The following TPP2 variants were observed in gnomAD, a reference collection of about 807,000 sequenced individuals.
TPP2 encodes the protein tripeptidyl peptidase 2.
Under a neutral mutation model 155.9 loss-of-function variants are expected in TPP2, and 34 were observed. That is an observed-to-expected ratio of 0.22 (90% confidence interval 0.17 to 0.29). The LOEUF (loss-of-function observed/expected upper bound fraction) is 0.29, where lower values mean the gene tolerates loss of function less well. TPP2 is among the 10% of genes least tolerant of loss of function. TPP2 has a pLI of 1.00. For synonymous variants in TPP2, 510 were observed against 529.4 expected (o/e 0.96, Z 0.50); for missense variants, 1,028 against 1,522.3 (o/e 0.68, Z 5.40).
At chr13:102,622,757 T>C in intron 5 of TPP2, 120 bp from the exon 6 acceptor site, 2 of 1,131,540 alleles carry the variant, frequency 1.8e-6, no homozygotes, top group East Asian at 2.5e-5. Context: ...GCAGTCATTA[T>C]ATTTATATTT....
intron 16 of TPP2, among the ~76,000 whole-genome samples, chr13:102,641,682 T>G (rs1324447517): frequency 2.0e-5 from 3 of 152,172 alleles, no homozygotes; most frequent in Non-Finnish European, 4.4e-5. Context: ...TTTTCTTGTT[T>G]TTTGTAATTA....
intron 28 of TPP2, 124 bp from the exon 29 acceptor site, chr13:102,676,172 A>G (rs973988447): frequency 3.4e-6 from 3 of 875,260 alleles, no homozygotes; most frequent in African/African-American, 3.5e-5. Context: ...TTAAAAATGT[A>G]CTCTATGTAC....
intron 27 of TPP2, among the ~76,000 whole-genome samples, chr13:102,671,435 C>A (rs116894952): frequency 2.0e-3 from 309 of 152,256 alleles, no homozygotes; most frequent in Non-Finnish European, 3.9e-3. Flanking sequence ...GGTCACTGTT[C>A]TACCTAAATA....
At chr13:102,655,034 C>A in intron 24 of TPP2, 1 of 501,346 alleles carries the variant, frequency 2.0e-6, no homozygotes, top group Non-Finnish European at 4.0e-6. Flanking sequence ...CAGGTTCTGG[C>A]CCCCTGACCT....
chr13:102,597,245 G>C (rs1466419861), intron 1 of TPP2, 42 bp downstream of exon 1: 23 of 1,188,698 alleles, frequency 1.9e-5, no homozygotes, highest in Non-Finnish European at 2.5e-5. Context: ...GGCGCGGGCG[G>C]CCGGGGACGC....
Position 102,618,618 on chromosome 13 carries a change from A to G in TPP2, c.496-104A>G, listed in dbSNP as rs1016625620. ...AAATTTTCTTACATTTTTTCAGGGTAAAATAATTTTACTATGGATTAACAT... is the reference window on the plus strand; with the variant it reads ...AAATTTTCTTACATTTTTTCAGGGTGAAATAATTTTACTATGGATTAACAT... On this transcript the variant is annotated intron_variant, in intron 4 of 29. Transcript: ENST00000376052. 1.4e-5 allele frequency: 20 copies of G among 1,418,676 alleles called. No homozygotes were observed. The East Asian group carries it at 2.7e-4, about 19-fold the overall frequency. 87.9% of individuals were successfully genotyped at this position (1,418,676 alleles called of 1,614,324 possible).
intron 3 of TPP2, among the ~76,000 whole-genome samples, chr13:102,614,961 G>C (rs1490585232): frequency 2.0e-5 from 3 of 152,154 alleles, no homozygotes; most frequent in Non-Finnish European, 2.9e-5. Flanking sequence ...TAAGAATGCT[G>C]ATACAAGTAG....
intron 7 of TPP2, 98 bp from the exon 8 acceptor site, chr13:102,627,750 G>T: frequency 2.5e-6 from 2 of 815,592 alleles, no homozygotes; most frequent in Non-Finnish European, 3.9e-6. Flanking sequence ...GAATATGATT[G>T]GCTAAGAAAC....
chr13:102,602,593 C>G (rs941177882), intron 1 of TPP2, among the ~76,000 whole-genome samples: 2 of 152,166 alleles, frequency 1.3e-5, no homozygotes, highest in East Asian at 3.8e-4. Flanking sequence ...CCACCAACCA[C>G]CCATTTGCTT....
At chr13:102,664,979 T>TA in intron 27 of TPP2, 54 bp downstream of exon 27, 1 of 1,595,882 alleles carries the variant, frequency 6.3e-7, no homozygotes, top group Non-Finnish European at 8.5e-7. Flanking sequence ...TTAACTTGTT[T>TA]AAAAAGTAGG....
rs1334470330 is a variant in TPP2 at position 102,640,261 on chromosome 13, A to AT, written c.1914-9_1914-8insT. The AT allele has an allele frequency of 6.4e-7, 1 of 1,562,594 alleles. No individual in the cohort carries two copies. ...ATATATACATTTAATTACTTTTATTAATTTTCAGAGTAAATGAATCATCAC... is the reference window on the plus strand; with the variant it reads ...ATATATACATTTAATTACTTTTATTATATTTTCAGAGTAAATGAATCATCAC... On this transcript the variant is annotated splice_polypyrimidine_tract_variant and intron_variant, in intron 15 of 29. Transcript: ENST00000376052.
intron 5 of TPP2, among the ~76,000 whole-genome samples, chr13:102,620,584 CCTATT>C (rs1022203843): frequency 6.6e-6 from 1 of 152,104 alleles, no homozygotes; most frequent in Non-Finnish European, 1.5e-5. Flanking sequence ...GGTAAAGTGA[CCTATT>C]CTTTAAGTAC....
chr13:102,666,767 T>TTA (rs1884630749), intron 27 of TPP2, among the ~76,000 whole-genome samples: 1 of 9,558 alleles, frequency 1.0e-4, no homozygotes, highest in African/African-American at 8.3e-4. Flanking sequence ...TTTTAATCTC[T>TTA]TTTTTTTTTT....
intron 18 of TPP2, 114 bp from the exon 19 acceptor site, chr13:102,644,795 T>C: frequency 1.4e-6 from 2 of 1,412,572 alleles, no homozygotes; most frequent in Non-Finnish European, 2.0e-6. Flanking sequence ...AAGATAGCAG[T>C]AGGCTTTGTG....
At chr13:102,654,621 A>ACC (rs1233024259) in intron 24 of TPP2, among the ~76,000 whole-genome samples, 1 of 152,088 alleles carries the variant, frequency 6.6e-6, no homozygotes, top group Admixed American at 6.5e-5. Context: ...AGAGCAGCAT[A>ACC]CCTCTCTCCC....
At chr13:102,671,686 G>A (rs1280723165) in intron 27 of TPP2, among the ~76,000 whole-genome samples, 6 of 152,268 alleles carry the variant, frequency 3.9e-5, no homozygotes, top group African/African-American at 1.4e-4. Flanking sequence ...GCCTAAGACA[G>A]GGTCCCATAG....
intron 6 of TPP2, 68 bp downstream of exon 6, chr13:102,623,108 C>T: frequency 6.7e-7 from 1 of 1,482,548 alleles, no homozygotes; most frequent in Non-Finnish European, 9.1e-7. Context: ...GTTGCGATAG[C>T]TCACAGCAAC....
chr13:102,607,536 C>G (rs74969280), intron 2 of TPP2: 2,798 of 232,656 alleles, frequency 0.012, 186 homozygotes, highest in Admixed American at 0.1. Flanking sequence ...GAGAGAATTC[C>G]TAGTAAGTCT....
In TPP2 at chr13:102,623,117, A is replaced by G. The variant is rs1023342237; in HGVS notation, c.784+77A>G. Reference sequence around the variant, plus strand: ...TGGTACGTTGCGATAGCTCACAGCAACCTTCTAGAGAATTTTAAGCTAGAG... The same window carrying G: ...TGGTACGTTGCGATAGCTCACAGCAGCCTTCTAGAGAATTTTAAGCTAGAG... On this transcript the variant is annotated intron_variant, in intron 6 of 29. Transcript: ENST00000376052. 8.3e-6 allele frequency: 12 copies of G among 1,452,300 alleles called. No homozygotes were observed. The East Asian group carries it at 9.4e-5, about 11-fold the overall frequency. 90.0% of individuals were successfully genotyped at this position (1,452,300 alleles called of 1,614,324 possible).
Sources: allele counts gnomAD v4.1 joint callset (sites outside exome capture counted in the v4.1 genomes callset), GRCh38; gene constraint gnomAD v4.1.1; transcripts MANE v1.5; gene names NCBI Gene and HGNC (gene_info 2026-07-23, HGNC 2026-07-21).